The following KALRN variants were observed in gnomAD, a reference collection of about 807,000 sequenced individuals.
KALRN encodes kalirin.
In KALRN, 70 loss-of-function variants were observed where a neutral mutation model predicts 353.7. The ratio of observed to expected loss-of-function variants is 0.20; its 90% CI spans 0.16 to 0.24. The LOEUF (loss-of-function observed/expected upper bound fraction) is 0.24. KALRN is among the 10% of genes least tolerant of loss of function. The pLI, the probability that KALRN is intolerant of heterozygous loss-of-function variation, is 1.00. For missense variants in KALRN, 2,791 were observed against 3,756.7 expected (o/e 0.74, Z 6.72); for synonymous variants, 1,391 against 1,434.8 (o/e 0.97, Z 0.69).
At chr3:124,112,031 C>T (rs762340450) in intron 1 of KALRN, among the ~76,000 whole-genome samples, 7 of 152,040 alleles carry the variant, frequency 4.6e-5, no homozygotes, top group Non-Finnish European at 7.4e-5. Context: ...TGGCCGGGCA[C>T]GGTGGCACAT....
At chr3:124,667,580 G>A (rs1183399816) in intron 47 of KALRN, among the ~76,000 whole-genome samples, 2 of 152,312 alleles carry the variant, frequency 1.3e-5, no homozygotes, top group East Asian at 3.9e-4. Flanking sequence ...AGAGATAAAT[G>A]AGAGTTTGAC....
At chr3:124,355,541 C>CA (rs1221769609) in intron 10 of KALRN, among the ~76,000 whole-genome samples, 1 of 151,898 alleles carries the variant, frequency 6.6e-6, no homozygotes, top group Non-Finnish European at 1.5e-5. Context: ...ATAGTGAAGC[C>CA]AATTTTAGCT....
At chr3:124,313,433 A>G (rs895468229) in intron 6 of KALRN, among the ~76,000 whole-genome samples, 7 of 152,236 alleles carry the variant, frequency 4.6e-5, no homozygotes, top group Non-Finnish European at 1.5e-5. Flanking sequence ...CAGTGTTTGT[A>G]TCTCCACAGA....
At chr3:124,676,827 A>G (rs982665126) in intron 49 of KALRN, among the ~76,000 whole-genome samples, 3 of 152,194 alleles carry the variant, frequency 2.0e-5, no homozygotes, top group African/African-American at 7.2e-5. Flanking sequence ...ATTAGCTTCT[A>G]TGGCTGGTTC....
At chr3:124,095,349 T>C (rs192523748) in intron 1 of KALRN, among the ~76,000 whole-genome samples, 63 of 152,316 alleles carry the variant, frequency 4.1e-4, no homozygotes, top group Non-Finnish European at 6.2e-4. Context: ...TATGTGACTT[T>C]TCTGAGCTTG....
At chr3:124,650,505 G>T (rs778992281) in intron 37 of KALRN, among the ~76,000 whole-genome samples, 2 of 152,132 alleles carry the variant, frequency 1.3e-5, no homozygotes, top group African/African-American at 2.4e-5. Context: ...ATAGAATTGC[G>T]ATCGTTAGCA....
At chr3:124,254,175 G>A (rs1013104042) in intron 3 of KALRN, among the ~76,000 whole-genome samples, 2 of 152,086 alleles carry the variant, frequency 1.3e-5, no homozygotes, top group African/African-American at 2.4e-5. Flanking sequence ...TTTGATGTTT[G>A]CTTCTTCAAG....
At chr3:124,649,551 A>G (rs2083145099) in intron 37 of KALRN, among the ~76,000 whole-genome samples, 2 of 152,124 alleles carry the variant, frequency 1.3e-5, no homozygotes, top group South Asian at 4.1e-4. Flanking sequence ...AGGTGGGAGT[A>G]TCACTTGAGC....
chr3:124,687,366 G>T (rs528918806), intron 51 of KALRN, among the ~76,000 whole-genome samples: 64 of 152,172 alleles, frequency 4.2e-4, no homozygotes, highest in African/African-American at 1.3e-3. Flanking sequence ...TGACTCCTAG[G>T]CTGCCAGGAG....
At chr3:124,519,872 T>A in intron 33 of KALRN, 1 of 985,390 alleles carries the variant, frequency 1.0e-6, no homozygotes, top group Non-Finnish European at 1.2e-6. Flanking sequence ...TACAGTGATT[T>A]ATAAATACTT....
intron 1 of KALRN, among the ~76,000 whole-genome samples, chr3:124,189,390 C>A (rs1224312480): frequency 6.6e-6 from 1 of 152,136 alleles, no homozygotes. Context: ...TACCTCAGAA[C>A]ATGCAATGGA....
intron 34 of KALRN, among the ~76,000 whole-genome samples, chr3:124,587,093 G>C (rs1377761556): frequency 6.6e-6 from 1 of 152,240 alleles, no homozygotes; most frequent in Non-Finnish European, 1.5e-5. Context: ...AGGGCTGAGG[G>C]GAGAGTCTTG....
rs141386105 is a variant in KALRN at position 124,518,078 on chromosome 3, G to A, written c.4935+21665G>A. On this transcript the variant is annotated intron_variant, in intron 33 of 59. Transcript: ENST00000682506. ...GCCACTGCAGGACTGGTCTACAGGC[G>A]TCTAATGGGATGAAAGCGTATGGAT... Among the ~76,000 whole-genome samples the A allele has an allele frequency of 2.4e-3, 365 of 152,236 alleles. 1 individual carries two copies. The highest frequency in any genetic ancestry group is 7.6e-3 in the African/African-American group (316 of 41,546).
intron 16 of KALRN, among the ~76,000 whole-genome samples, chr3:124,431,160 T>A (rs564417133): frequency 1.2e-4 from 19 of 152,282 alleles, no homozygotes; most frequent in African/African-American, 3.9e-4. Context: ...GATAAACAAG[T>A]GCAAAGGTCA....
intron 1 of KALRN, among the ~76,000 whole-genome samples, chr3:124,104,464 G>T (rs1416246203): frequency 6.6e-6 from 1 of 152,160 alleles, no homozygotes; most frequent in Non-Finnish European, 1.5e-5. Context: ...TACAGGGTGT[G>T]CTTGGGGAAT....
At chr3:124,282,521 G>A (rs2075453572) in intron 5 of KALRN, among the ~76,000 whole-genome samples, 1 of 152,028 alleles carries the variant, frequency 6.6e-6, no homozygotes, top group Non-Finnish European at 1.5e-5. Context: ...GGGATTACAG[G>A]CATGTGCCAC....
intron 1 of KALRN, among the ~76,000 whole-genome samples, chr3:124,106,844 A>C (rs2062361328): frequency 1.1e-5 from 1 of 90,634 alleles, no homozygotes; most frequent in South Asian, 3.7e-4. Context: ...GCCTTGATGT[A>C]GTCATTGTAT....
chr3:124,132,060 G>T (rs2065359024), intron 1 of KALRN, among the ~76,000 whole-genome samples: 1 of 152,258 alleles, frequency 6.6e-6, no homozygotes, highest in African/African-American at 2.4e-5. Flanking sequence ...TTTTTTACAA[G>T]TAGATCTTTA....
rs374799435 is a variant in KALRN, at chr3:124,422,986, C to T, written c.2709+8C>T. 47 of 1,612,200 alleles carry T rather than the reference C, an allele frequency of 2.9e-5. No homozygotes were observed. The African/African-American group carries it at 5.6e-4, about 19-fold the overall frequency. ...CAGGCTGAAGTCAAACAGGTAAGCC[C>T]AGCCCTTCTTCCTTCAGCCTGGGTT... is the stretch of plus-strand genomic sequence containing the variant. On this transcript the variant is annotated splice_region_variant and intron_variant, in intron 15 of 59. Coordinates refer to ENST00000682506, the MANE Select transcript of KALRN (RefSeq NM_001388419.1).
Sources: gnomAD v4.1 joint callset for allele counts (sites outside exome capture counted in the v4.1 genomes callset) on GRCh38, gnomAD v4.1.1 for gene constraint, MANE v1.5 for transcripts, NCBI Gene and HGNC (gene_info 2026-07-23, HGNC 2026-07-21) for gene names.